Variants in SHROOM3 observed in about 807,000 individuals in gnomAD.
The protein encoded by SHROOM3 is protein Shroom3.
SHROOM3 carries 47 observed loss-of-function variants against 138.6 expected under a neutral mutation model. The observed-to-expected ratio is 0.34, with a 90% CI of 0.27 to 0.43. The LOEUF (loss-of-function observed/expected upper bound fraction) is 0.43, where lower values mean the gene tolerates loss of function less well. SHROOM3 is among the 20% of genes least tolerant of loss of function. The pLI, the probability that SHROOM3 is intolerant of heterozygous loss-of-function variation, is 1.00. For missense variants in SHROOM3, 2,491 were observed against 2,596.5 expected (o/e 0.96, Z 0.88); for synonymous variants, 1,062 against 1,063.3 (o/e 1.00, Z 0.02).
At chr4:76,657,615 G>C (rs892918999) in intron 2 of SHROOM3, among the ~76,000 whole-genome samples, 2 of 152,230 alleles carry the variant, frequency 1.3e-5, no homozygotes, top group African/African-American at 2.4e-5. Flanking sequence ...CAAATAGTGA[G>C]GGTGCTGCTG....
At chr4:76,608,733 T>C (rs6855071) in intron 2 of SHROOM3, among the ~76,000 whole-genome samples, 1,857 of 56,846 alleles carry the variant, frequency 0.033, 166 homozygotes, top group African/African-American at 0.078. Context: ...CAGCACAGCA[T>C]AGCATAGCAT....
intron 1 of SHROOM3, among the ~76,000 whole-genome samples, chr4:76,451,678 T>C (rs1448400186): frequency 6.6e-6 from 1 of 152,230 alleles, no homozygotes; most frequent in Non-Finnish European, 1.5e-5. Context: ...CTGCACATTT[T>C]ACTGCACGTA....
chr4:76,490,836 A>C (rs1713964792), intron 1 of SHROOM3, among the ~76,000 whole-genome samples: 2 of 152,216 alleles, frequency 1.3e-5, no homozygotes, highest in Admixed American at 1.3e-4. Flanking sequence ...CTGTACTAGC[A>C]TCACCTCCAT....
chr4:76,611,796 C>T (rs551415357), intron 2 of SHROOM3, among the ~76,000 whole-genome samples: 20 of 152,264 alleles, frequency 1.3e-4, no homozygotes, highest in Middle Eastern at 3.4e-3. Flanking sequence ...GGGAGACTGC[C>T]CGTCAGGCAC....
chr4:76,678,268 T>G (rs1719097382), intron 2 of SHROOM3, among the ~76,000 whole-genome samples: 1 of 152,172 alleles, frequency 6.6e-6, no homozygotes. Flanking sequence ...AGATAAGGGT[T>G]TTTTTGTTGA....
intron 2 of SHROOM3, among the ~76,000 whole-genome samples, chr4:76,686,212 G>A (rs963000454): frequency 5.9e-5 from 9 of 151,938 alleles, no homozygotes; most frequent in African/African-American, 1.2e-4. Context: ...TAGAGATGGC[G>A]TCCCCCTATG....
In SHROOM3 at chr4:76,752,707, T is replaced by C. The variant is rs566580446; in HGVS notation, c.3828-1604T>C. Reference sequence around the variant, plus strand: ...CCAAGCTAAGCATTTACCACTGATATTATCTTCAAAAAGAAAATGCCACTT... The same window carrying C: ...CCAAGCTAAGCATTTACCACTGATACTATCTTCAAAAAGAAAATGCCACTT... On this transcript the variant is annotated intron_variant, in intron 6 of 10. Coordinates refer to ENST00000296043, the MANE Select transcript of SHROOM3 (RefSeq NM_020859.4). Among the ~76,000 whole-genome samples, 21 of 152,266 alleles carry C rather than the reference T, an allele frequency of 1.4e-4. No individual in the cohort carries two copies. The South Asian group carries it at 4.2e-3, about 30-fold the overall frequency.
intron 1 of SHROOM3, among the ~76,000 whole-genome samples, chr4:76,518,578 C>A (rs1732496913): frequency 6.6e-6 from 1 of 151,002 alleles, no homozygotes; most frequent in African/African-American, 2.4e-5. Flanking sequence ...TGCCTGCTTG[C>A]CTGCCTGCCT....
At chr4:76,590,026 G>A (rs979284456) in intron 2 of SHROOM3, among the ~76,000 whole-genome samples, 4 of 152,130 alleles carry the variant, frequency 2.6e-5, no homozygotes, top group South Asian at 2.1e-4. Context: ...CTGTCAAAAC[G>A]GAAATCAGGG....
At chr4:76,688,617 G>A (rs1719407377) in intron 2 of SHROOM3, 2 of 985,380 alleles carry the variant, frequency 2.0e-6, no homozygotes. Flanking sequence ...CGTTGAAAGA[G>A]GCTGGAAGAA....
chr4:76,662,180 T>C (rs1177984507), intron 2 of SHROOM3, among the ~76,000 whole-genome samples: 1 of 152,156 alleles, frequency 6.6e-6, no homozygotes, highest in Non-Finnish European at 1.5e-5. Context: ...TGGGCTCTTA[T>C]CTGGAGGCTC....
At chr4:76,675,514 G>C (rs1205355683) in intron 2 of SHROOM3, among the ~76,000 whole-genome samples, 1 of 152,134 alleles carries the variant, frequency 6.6e-6, no homozygotes, top group African/African-American at 2.4e-5. Flanking sequence ...GAAAGATGTA[G>C]TCCCTTCCCT....
intron 1 of SHROOM3, among the ~76,000 whole-genome samples, chr4:76,458,808 A>C (rs1034420915): frequency 6.6e-6 from 1 of 152,200 alleles, no homozygotes; most frequent in Non-Finnish European, 1.5e-5. Context: ...GTTGGAAGTG[A>C]ATGTTCTTGA....
chr4:76,526,984 T>C (rs575623995), intron 1 of SHROOM3, among the ~76,000 whole-genome samples: 123 of 152,278 alleles, frequency 8.1e-4, no homozygotes, highest in Admixed American at 1.4e-3. Context: ...TAGTTTTATA[T>C]AAGAGCTAAT....
rs1335767553 is a variant in SHROOM3 at position 76,739,855 on chromosome 4, C to A, written c.1682C>A (p.Ser561Ter). The A allele has an allele frequency of 6.2e-7, 1 of 1,614,204 alleles. No homozygotes were observed. Among genetic ancestry groups the A allele is most frequent in the African/African-American group, 1.3e-5 (1 of 75,060 alleles). ...KYVPSKVHFC[S>*]VPENEEDASL... ...GTCCCCTCCAAAGTCCATTTCTGTT[C>A]AGTGCCTGAAAATGAGGAGGATGCC... is the stretch of plus-strand genomic sequence containing the variant. The change falls in exon 5 of 11, where the codon TCA (serine) becomes TAA (stop). Residue 561 changes from serine (S) to a stop codon, truncating the protein, a stop_gained. Transcript: ENST00000296043. LOFTEE classifies it high-confidence loss of function.
chr4:76,486,577 A>G (rs1731736378), intron 1 of SHROOM3, among the ~76,000 whole-genome samples: 1 of 152,182 alleles, frequency 6.6e-6, no homozygotes. Context: ...TGTTTGTTTG[A>G]TGGTGGATGG....
chr4:76,579,640 T>C (rs1734008763), intron 2 of SHROOM3, among the ~76,000 whole-genome samples: 1 of 152,236 alleles, frequency 6.6e-6, no homozygotes, highest in African/African-American at 2.4e-5. Flanking sequence ...CCACGTCTAA[T>C]GAAGCATTCC....
At chr4:76,556,332 T>A (rs1733483460) in intron 2 of SHROOM3, among the ~76,000 whole-genome samples, 1 of 152,214 alleles carries the variant, frequency 6.6e-6, no homozygotes, top group African/African-American at 2.4e-5. Context: ...GGAAATTATT[T>A]ATGGAAAGGG....
At chr4:76,661,432 A>G (rs533755916) in intron 2 of SHROOM3, among the ~76,000 whole-genome samples, 1 of 152,014 alleles carries the variant, frequency 6.6e-6, no homozygotes, top group Admixed American at 6.5e-5. Context: ...GGGTTTCACC[A>G]CGTTAGCCAG....
Sources: allele counts gnomAD v4.1 joint callset (sites outside exome capture counted in the v4.1 genomes callset), GRCh38; gene constraint gnomAD v4.1.1; transcripts MANE v1.5; gene names NCBI Gene and HGNC (gene_info 2026-07-23, HGNC 2026-07-21).